The following PLCG2 variants were observed in gnomAD, a reference collection of about 807,000 sequenced individuals.
The protein encoded by PLCG2 is phospholipase C gamma 2, also known as 1-phosphatidylinositol 4,5-bisphosphate phosphodiesterase gamma-2.
Under a neutral mutation model 175.6 loss-of-function variants are expected in PLCG2, and 69 were observed. The ratio of observed to expected loss-of-function variants is 0.39; its 90% CI spans 0.32 to 0.48. PLCG2 has a LOEUF of 0.48. Ranked by LOEUF, PLCG2 falls within the 20% of genes least tolerant of loss-of-function variation. The probability of loss-of-function intolerance (pLI) is 0.91; values close to 1 mark genes in which losing one functional copy is unlikely to be tolerated. For missense variants in PLCG2, 1,798 were observed against 1,650.9 expected (o/e 1.09, Z -1.54); for synonymous variants, 827 against 624.0 (o/e 1.33, Z -4.85).
chr16:81,925,020 A>T (rs1910206459), intron 22 of PLCG2, among the ~76,000 whole-genome samples: 1 of 152,232 alleles, frequency 6.6e-6, no homozygotes, highest in Non-Finnish European at 1.5e-5. Context: ...TGGGTGGGTG[A>T]CTAACAACAT....
intron 31 of PLCG2, among the ~76,000 whole-genome samples, chr16:81,956,193 T>G (rs994587368): frequency 6.6e-6 from 1 of 152,220 alleles, no homozygotes; most frequent in South Asian, 2.1e-4. Flanking sequence ...CTTAGCATAA[T>G]GTTTTCAAGG....
intron 2 of PLCG2, among the ~76,000 whole-genome samples, chr16:81,835,808 C>G (rs1008814434): frequency 1.6e-4 from 24 of 152,156 alleles, no homozygotes; most frequent in South Asian, 2.1e-4. Context: ...GAGGATCCTT[C>G]CTCTCCTCTT....
At chr16:81,918,293 T>C (rs4888187) in intron 19 of PLCG2, among the ~76,000 whole-genome samples, 39,048 of 152,076 alleles carry the variant, frequency 0.26, 5,796 homozygotes, top group East Asian at 0.57. Flanking sequence ...CTACGGAGGT[T>C]TTCCTCTCTG....
chr16:81,896,472 G>A (rs1908896047), intron 13 of PLCG2, among the ~76,000 whole-genome samples: 1 of 151,656 alleles, frequency 6.6e-6, no homozygotes, highest in Non-Finnish European at 1.5e-5. Context: ...CAGTTACTTG[G>A]GAAGCTGAGG....
At chr16:81,894,590 C>T (rs1908791450) in intron 12 of PLCG2, among the ~76,000 whole-genome samples, 1 of 151,836 alleles carries the variant, frequency 6.6e-6, no homozygotes, top group Non-Finnish European at 1.5e-5. Context: ...AGGCAACAAC[C>T]AGCTTGTCGT....
At chr16:81,879,144 A>G (rs1186229683) in intron 7 of PLCG2, among the ~76,000 whole-genome samples, 1 of 152,154 alleles carries the variant, frequency 6.6e-6, no homozygotes, top group Non-Finnish European at 1.5e-5. Context: ...AGAGGGCTGA[A>G]GAATTGCATG....
At chr16:81,780,840 A>G (rs1451933600) in intron 1 of PLCG2, among the ~76,000 whole-genome samples, 8 of 152,192 alleles carry the variant, frequency 5.3e-5, no homozygotes, top group Admixed American at 3.3e-4. Context: ...CAGCCTCACC[A>G]ACATGGTGAA....
intron 2 of PLCG2, among the ~76,000 whole-genome samples, chr16:81,756,386 C>A (rs1909928197): frequency 6.6e-6 from 1 of 152,208 alleles, no homozygotes; most frequent in Non-Finnish European, 1.5e-5. Flanking sequence ...CTCCTTTAAT[C>A]CTCAGAACAA....
Position 81,956,787 on chromosome 16 carries a change from G to C in PLCG2, c.3663G>C (p.Gln1221His), listed in dbSNP as rs1455759195. 1 of 1,614,198 alleles carries C rather than the reference G, an allele frequency of 6.2e-7. No homozygotes were observed. Among genetic ancestry groups the C allele is most frequent in the Non-Finnish European group, 8.5e-7 (1 of 1,180,018 alleles). ...AGCTCTTTCTGTATGACACACACCAGAACTTGCGCAATGCCAACCGGGATG... is the reference window on the plus strand; with the variant it reads ...AGCTCTTTCTGTATGACACACACCACAACTTGCGCAATGCCAACCGGGATG... ...NNQLFLYDTH[Q>H]NLRNANRDAL... The change falls in exon 32 of 33, where the codon CAG becomes CAC. Residue 1221 changes from glutamine (Q) to histidine (H), a missense_variant. Gln to His is a conservative substitution (Grantham distance 24). Transcript: ENST00000564138.
upstream of PLCG2, among the ~76,000 whole-genome samples, chr16:81,775,471 A>G (rs866513589): frequency 3.9e-5 from 6 of 152,204 alleles, no homozygotes; most frequent in Middle Eastern, 6.8e-3. Flanking sequence ...TCCCAGTAAC[A>G]ATTCCTAAAA....
intron 1 of PLCG2, among the ~76,000 whole-genome samples, chr16:81,752,829 G>A (rs2143069421): frequency 6.6e-6 from 1 of 152,346 alleles, no homozygotes; most frequent in Non-Finnish European, 1.5e-5. Context: ...GTGGCTGTTG[G>A]GGGCAGAGCT....
chr16:81,907,891 G>A (rs374738167), intron 16 of PLCG2, 117 bp downstream of exon 16: 99 of 665,446 alleles, frequency 1.5e-4, no homozygotes, highest in Non-Finnish European at 1.2e-4. Context: ...GGGATGCTCC[G>A]CTGAAGAAGC....
intron 19 of PLCG2, among the ~76,000 whole-genome samples, chr16:81,913,744 T>C (rs1384022823): frequency 1.3e-5 from 2 of 152,170 alleles, no homozygotes; most frequent in Non-Finnish European, 2.9e-5. Flanking sequence ...GTGGGGTGTG[T>C]GGTTTGCCCC....
intron 1 of PLCG2, among the ~76,000 whole-genome samples, chr16:81,745,020 A>G (rs985305981): frequency 6.6e-6 from 1 of 152,188 alleles, no homozygotes; most frequent in Non-Finnish European, 1.5e-5. Context: ...AAATAATGTT[A>G]TGCAGTGGAA....
intron 24 of PLCG2, among the ~76,000 whole-genome samples, chr16:81,930,291 A>C (rs1910446171): frequency 6.6e-6 from 1 of 152,208 alleles, no homozygotes; most frequent in Admixed American, 6.5e-5. Flanking sequence ...TCCCTGTCAT[A>C]ATCTTTTCTT....
intron 2 of PLCG2, among the ~76,000 whole-genome samples, chr16:81,807,306 G>C (rs1904285655): frequency 6.6e-6 from 1 of 152,156 alleles, no homozygotes; most frequent in Non-Finnish European, 1.5e-5. Context: ...CAGGCTTGAG[G>C]GATTGGGGCA....
intron 2 of PLCG2, among the ~76,000 whole-genome samples, chr16:81,834,785 A>C (rs1597345097): frequency 6.6e-6 from 1 of 152,194 alleles, no homozygotes; most frequent in African/African-American, 2.4e-5. Flanking sequence ...TCCTTTAACA[A>C]AACCTCCTGC....
intron 17 of PLCG2, among the ~76,000 whole-genome samples, chr16:81,910,316 C>T (rs563136779): frequency 6.6e-6 from 1 of 152,204 alleles, no homozygotes; most frequent in Non-Finnish European, 1.5e-5. Flanking sequence ...GTCTGGAACT[C>T]CTAATCTCAG....
intron 19 of PLCG2, among the ~76,000 whole-genome samples, chr16:81,913,199 A>G (rs550223317): frequency 6.6e-6 from 1 of 152,076 alleles, no homozygotes; most frequent in East Asian, 1.9e-4. Flanking sequence ...AGATTCTCCC[A>G]CTTCCACTAA....
Sources: allele counts gnomAD v4.1 joint callset (sites outside exome capture counted in the v4.1 genomes callset), GRCh38; gene constraint gnomAD v4.1.1; transcripts MANE v1.5; gene names NCBI Gene and HGNC (gene_info 2026-07-23, HGNC 2026-07-21).